The following WDR70 variants were observed in gnomAD, a reference collection of about 807,000 sequenced individuals.
WDR70 encodes WD repeat-containing protein 70.
Under a neutral mutation model 88.6 loss-of-function variants are expected in WDR70, and 53 were observed. That is an observed-to-expected ratio of 0.60 (90% CI 0.48 to 0.75). The LOEUF (loss-of-function observed/expected upper bound fraction) is 0.75. Ranked by LOEUF, WDR70 falls within the 30% of genes least tolerant of loss-of-function variation. The pLI is 0.00. For missense variants in WDR70, 610 were observed against 823.2 expected, an observed-to-expected ratio of 0.74 and a Z score of 3.17; for synonymous variants, 280 against 270.0, an observed-to-expected ratio of 1.04 and a Z score of -0.36.
At chr5:37,635,198 C>CTAA (rs1045092248) in intron 10 of WDR70, among the ~76,000 whole-genome samples, 2 of 152,172 alleles carry the variant, frequency 1.3e-5, no homozygotes, top group African/African-American at 4.8e-5. Flanking sequence ...TTGGATCAAA[C>CTAA]TTCCTTCTGG....
At chr5:37,543,129 A>G (rs1741879719) in intron 9 of WDR70, among the ~76,000 whole-genome samples, 1 of 152,160 alleles carries the variant, frequency 6.6e-6, no homozygotes, top group Non-Finnish European at 1.5e-5. Flanking sequence ...ATCCTAGACC[A>G]TCTTATATCC....
intron 10 of WDR70, among the ~76,000 whole-genome samples, chr5:37,612,465 C>G (rs188214859): frequency 1.8e-4 from 27 of 152,172 alleles, no homozygotes; most frequent in African/African-American, 6.5e-4. Context: ...GGCATGATCC[C>G]CCCATGTCAT....
intron 5 of WDR70, among the ~76,000 whole-genome samples, chr5:37,415,054 C>G (rs1749657161): frequency 6.6e-6 from 1 of 150,744 alleles, no homozygotes; most frequent in African/African-American, 2.5e-5. Flanking sequence ...ATCCATTTAA[C>G]CCTGAGTGGA....
At chr5:37,385,780 C>T (rs982519247) in intron 3 of WDR70, among the ~76,000 whole-genome samples, 1 of 151,136 alleles carries the variant, frequency 6.6e-6, no homozygotes, top group Admixed American at 6.6e-5. Flanking sequence ...AGCTCTGTGG[C>T]AGGAACCTGA....
At chr5:37,412,097 C>T (rs1749544183) in intron 5 of WDR70, among the ~76,000 whole-genome samples, 1 of 151,774 alleles carries the variant, frequency 6.6e-6, no homozygotes, top group Non-Finnish European at 1.5e-5. Context: ...GGTGAAAAAT[C>T]ATCTTTTGGC....
chr5:37,580,910 A>G (rs1281291239), intron 9 of WDR70, among the ~76,000 whole-genome samples: 1 of 152,254 alleles, frequency 6.6e-6, no homozygotes, highest in East Asian at 1.9e-4. Context: ...AAAACAATAA[A>G]TGTAATACAA....
intron 10 of WDR70, among the ~76,000 whole-genome samples, chr5:37,677,089 A>G (rs903955444): frequency 6.6e-6 from 1 of 151,920 alleles, no homozygotes; most frequent in African/African-American, 2.4e-5. Flanking sequence ...TATCCCCTTT[A>G]TTATTTTTTA....
chr5:37,738,689 T>C (rs999327378), intron 17 of WDR70, among the ~76,000 whole-genome samples: 1 of 152,174 alleles, frequency 6.6e-6, no homozygotes, highest in Non-Finnish European at 1.5e-5. Context: ...GCACTGAAGG[T>C]GGGACTTGCT....
intron 7 of WDR70, among the ~76,000 whole-genome samples, chr5:37,461,844 C>A (rs1380902051): frequency 1.3e-5 from 2 of 152,116 alleles, no homozygotes; most frequent in African/African-American, 4.8e-5. Flanking sequence ...TTTTATTAAC[C>A]CTATATTGTC....
chr5:37,633,740 A>G (rs933671120), intron 10 of WDR70, among the ~76,000 whole-genome samples: 1 of 151,480 alleles, frequency 6.6e-6, no homozygotes, highest in Non-Finnish European at 1.5e-5. Context: ...CATGATAGGC[A>G]TTATTTTTAT....
At chr5:37,475,938 C>G (rs1174183433) in intron 7 of WDR70, among the ~76,000 whole-genome samples, 2 of 151,074 alleles carry the variant, frequency 1.3e-5, no homozygotes, top group African/African-American at 4.9e-5. Context: ...CTCCACCTCC[C>G]GGGTTCAAGC....
chr5:37,525,140 CT>C (rs1389348261), intron 9 of WDR70, among the ~76,000 whole-genome samples: 1 of 152,190 alleles, frequency 6.6e-6, no homozygotes, highest in Non-Finnish European at 1.5e-5. Flanking sequence ...TTATAGACAT[CT>C]ACAGAACTCT....
intron 5 of WDR70, among the ~76,000 whole-genome samples, chr5:37,419,518 A>T (rs1380841993): frequency 1.3e-5 from 2 of 150,474 alleles, no homozygotes; most frequent in African/African-American, 4.9e-5. Context: ...TTCTTTTTTT[A>T]AAAACTGAAT....
intron 10 of WDR70, among the ~76,000 whole-genome samples, chr5:37,606,897 C>T (rs1418088192): frequency 2.0e-5 from 1 of 49,430 alleles, no homozygotes; most frequent in African/African-American, 9.1e-5. Flanking sequence ...CCTCCCCTCC[C>T]CTCCCCTCCC....
At chr5:37,607,188 C>A (rs1744055932) in intron 10 of WDR70, among the ~76,000 whole-genome samples, 1 of 151,740 alleles carries the variant, frequency 6.6e-6, no homozygotes, top group Admixed American at 6.6e-5. Flanking sequence ...GGGATCCACC[C>A]ACCTTGGCCT....
At chr5:37,487,598 T>A (rs1399952384) in intron 8 of WDR70, among the ~76,000 whole-genome samples, 4 of 18,552 alleles carry the variant, frequency 2.2e-4, no homozygotes, top group Non-Finnish European at 1.0e-3. Context: ...TATGTATATA[T>A]AAATATATAT....
At chr5:37,623,022 C>T (rs1247597622) in intron 10 of WDR70, among the ~76,000 whole-genome samples, 3 of 151,986 alleles carry the variant, frequency 2.0e-5, no homozygotes, top group African/African-American at 7.2e-5. Context: ...TGTTATCTAC[C>T]AAGTCTCTGT....
At chr5:37,668,456 T>C (rs1745927348) in intron 10 of WDR70, among the ~76,000 whole-genome samples, 1 of 152,252 alleles carries the variant, frequency 6.6e-6, no homozygotes, top group Non-Finnish European at 1.5e-5. Context: ...TTAAAATGTT[T>C]TTTTGCATTC....
At chr5:37,668,520 A>G (rs2112588484) in intron 10 of WDR70, among the ~76,000 whole-genome samples, 1 of 152,372 alleles carries the variant, frequency 6.6e-6, no homozygotes, top group African/African-American at 2.4e-5. Flanking sequence ...ACTGGTCTCA[A>G]CTAGGGTTTA....
Sources: gnomAD v4.1 joint callset for allele counts (sites outside exome capture counted in the v4.1 genomes callset) on GRCh38, gnomAD v4.1.1 for gene constraint, MANE v1.5 for transcripts, NCBI Gene and HGNC (gene_info 2026-07-23, HGNC 2026-07-21) for gene names.